The following PARVG variants were observed in gnomAD, a reference collection of about 807,000 sequenced individuals.
The protein encoded by PARVG is parvin gamma, also known as gamma-parvin.
PARVG carries 36 observed loss-of-function variants against 44.4 expected under a neutral mutation model. That is an observed-to-expected ratio of 0.81 (90% confidence interval 0.62 to 1.07). PARVG has a LOEUF of 1.07. Among genes scored for constraint, PARVG ranks in the 50% least tolerant of loss-of-function variants. PARVG has a pLI of 0.00. For synonymous variants in PARVG, 170 were observed against 174.1 expected, an observed-to-expected ratio of 0.98 and a Z score of 0.19; for missense variants, 407 against 407.4, an observed-to-expected ratio of 1.00 and a Z score of 0.01.
chr22:44,204,427 T>G (rs763248164), intron 12 of PARVG, among the ~76,000 whole-genome samples: 2 of 152,238 alleles, frequency 1.3e-5, no homozygotes, highest in Non-Finnish European at 2.9e-5. Flanking sequence ...ATGAGGCACC[T>G]GAGGCCCAGC....
chr22:44,179,386 C>T (rs943036717), upstream of PARVG, among the ~76,000 whole-genome samples: 9 of 152,210 alleles, frequency 5.9e-5, no homozygotes, highest in Admixed American at 1.3e-4. The surrounding 1 kb of genome is among the most constrained non-coding windows in gnomAD (Gnocchi z 4.2). Context: ...GCTTTGAGGG[C>T]TATCAGAGAA....
At chr22:44,185,506 G>C (rs2054451771) in intron 3 of PARVG, 1 of 277,242 alleles carries the variant, frequency 3.6e-6, no homozygotes, top group African/African-American at 2.2e-5. Flanking sequence ...TCTCTGGCTG[G>C]GGTTTCACTT....
intron 7 of PARVG, among the ~76,000 whole-genome samples, chr22:44,191,388 ATTTTTTT>A (rs35954868): frequency 2.5e-4 from 16 of 63,470 alleles, no homozygotes; most frequent in South Asian, 7.8e-4. Context: ...AGTCATTTCT[ATTTTTTT>A]TTTTTTTTTT....
At position 44,205,794 on chromosome 22, in the gene PARVG, A is replaced by G; in HGVS notation, c.851A>G (p.Asp284Gly). The change falls in exon 13 of 14, where the codon GAC becomes GGC. Residue 284 changes from aspartate to glycine, a missense_variant. Transcript: ENST00000444313. ...NVTLALELLK[D>G]EGLLSCPVSP... ...ACCCTGGCGCTGGAGCTGCTGAAGGACGAGGGCCTGCTCAGCTGCCCTGTC... is the reference window on the plus strand; with the variant it reads ...ACCCTGGCGCTGGAGCTGCTGAAGGGCGAGGGCCTGCTCAGCTGCCCTGTC... 6.2e-7 allele frequency: 1 copy of G among 1,613,550 alleles called. No individual in the cohort carries two copies. Among genetic ancestry groups the G allele is most frequent in the Non-Finnish European group, 8.5e-7 (1 of 1,180,002 alleles).
intron 1 of PARVG, among the ~76,000 whole-genome samples, chr22:44,173,978 C>T (rs2054294944): frequency 6.6e-6 from 1 of 152,126 alleles, no homozygotes; most frequent in Non-Finnish European, 1.5e-5. Flanking sequence ...GGGTAGGACT[C>T]AACTGTTACT....
In PARVG at chr22:44,196,221, A is replaced by T. The variant is rs1349958482; in HGVS notation, c.642+8A>T. On this transcript the variant is annotated splice_region_variant and intron_variant, in intron 10 of 13. Coordinates refer to ENST00000444313, the MANE Select transcript of PARVG (RefSeq NM_022141.7). ...GTGAACGCAGTGAAAGAGGTAGGAG[A>T]GATCAAAGCTCTCAGCGGCTCTCAG... 1.9e-6 allele frequency: 3 copies of T among 1,614,172 alleles called. No homozygotes were observed. The highest frequency in any genetic ancestry group is 1.6e-4 in the Middle Eastern group (1 of 6,062).
At chr22:44,176,006 G>T (rs969381872), upstream of PARVG, among the ~76,000 whole-genome samples, 1 of 152,182 alleles carries the variant, frequency 6.6e-6, no homozygotes, top group African/African-American at 2.4e-5. Flanking sequence ...GTGGATGTTT[G>T]GTGTGTTTTC....
Position 44,173,127 on chromosome 22 carries a change from C to T in PARVG, c.-253C>T, listed in dbSNP as rs1444005579. ...TCACAGCCCTTTGTGGGGGATGGGA[C>T]TTTGGGAACCCCAAACTTCTGCTGG... On this transcript the variant is annotated 5_prime_UTR_variant, in exon 1 of 14. Transcript: ENST00000422871. 3 of 1,288,534 alleles carry T rather than the reference C, an allele frequency of 2.3e-6. No individual in the cohort carries two copies. In the South Asian group the frequency reaches 3.7e-5, roughly 16 times the overall value. The allele number at this position is 1,288,534 out of a possible 1,614,324, so 79.8% of individuals were successfully genotyped here.
In PARVG at chr22:44,182,188, T is replaced by C. The variant is rs1292321477; in HGVS notation, c.-13+271T>C. Among the ~76,000 whole-genome samples the C allele has an allele frequency of 6.6e-6, 1 of 152,116 alleles. No individual in the cohort carries two copies. Among genetic ancestry groups the C allele is most frequent in the East Asian group, 1.9e-4 (1 of 5,182 alleles). On this transcript the variant is annotated intron_variant, in intron 2 of 13. Coordinates refer to ENST00000444313, the MANE Select transcript of PARVG (RefSeq NM_022141.7). The surrounding 1 kb of genome is among the most constrained non-coding windows in gnomAD (Gnocchi z 4.6). Reference sequence around the variant, plus strand: ...TCTCCAGGTGAAGAAACTGAGGCCCTGGGGCCAGGAAGGGGCTTGCCCAGG... The same window carrying C: ...TCTCCAGGTGAAGAAACTGAGGCCCCGGGGCCAGGAAGGGGCTTGCCCAGG...
At chr22:44,204,809 A>G (rs1376861040) in intron 12 of PARVG, among the ~76,000 whole-genome samples, 5 of 152,232 alleles carry the variant, frequency 3.3e-5, no homozygotes, top group African/African-American at 9.6e-5. Flanking sequence ...TTGAGGTCAC[A>G]GTGAACCAGG....
intron 5 of PARVG, chr22:44,188,382 A>C (rs2054503491): frequency 5.5e-6 from 1 of 181,960 alleles, no homozygotes; most frequent in African/African-American, 2.3e-5. Context: ...CACAAGCCCC[A>C]GAGTCACCCT....
chr22:44,196,959 G>T (rs1321183871), intron 11 of PARVG, among the ~76,000 whole-genome samples: 1 of 152,234 alleles, frequency 6.6e-6, no homozygotes, highest in South Asian at 2.1e-4. Context: ...CCACAGTGAA[G>T]CTGTGTCCCT....
At chr22:44,193,653 C>A in intron 8 of PARVG, 148 bp from the exon 9 acceptor site, 3 of 925,358 alleles carry the variant, frequency 3.2e-6, no homozygotes, top group South Asian at 3.2e-5. Context: ...CTGCTATCTG[C>A]CCTACCTACA....
upstream of PARVG, among the ~76,000 whole-genome samples, chr22:44,178,096 C>A (rs529204725): frequency 6.6e-6 from 1 of 152,268 alleles, no homozygotes; most frequent in African/African-American, 2.4e-5. Flanking sequence ...GAGGCCTTCC[C>A]AGCCATGGTG....
At chr22:44,190,344 T>C (rs544521669) in intron 6 of PARVG, among the ~76,000 whole-genome samples, 4 of 152,304 alleles carry the variant, frequency 2.6e-5, no homozygotes, top group African/African-American at 9.6e-5. Context: ...ATCATACCCC[T>C]GGGCTATATT....
intron 7 of PARVG, among the ~76,000 whole-genome samples, chr22:44,190,925 G>A (rs2272943): frequency 0.26 from 40,154 of 152,148 alleles, 5,778 homozygotes; most frequent in Non-Finnish European, 0.34. Context: ...CTTGACCTCA[G>A]CAGAGGGCAT....
intron 8 of PARVG, among the ~76,000 whole-genome samples, chr22:44,192,486 C>T (rs963270502): frequency 6.6e-6 from 1 of 152,208 alleles, no homozygotes; most frequent in Non-Finnish European, 1.5e-5. Flanking sequence ...GCTGCCTGCC[C>T]ACTTTAGGGT....
chr22:44,177,515 C>T (rs2054329740), upstream of PARVG, among the ~76,000 whole-genome samples: 1 of 152,078 alleles, frequency 6.6e-6, no homozygotes, highest in African/African-American at 2.4e-5. Context: ...TGGAGTGGCC[C>T]TTCAGTCTTT....
chr22:44,204,570 C>A (rs2054753322), intron 12 of PARVG, among the ~76,000 whole-genome samples: 1 of 152,238 alleles, frequency 6.6e-6, no homozygotes, highest in South Asian at 2.1e-4. Context: ...TGGCCTGGGC[C>A]AGGCTGGCGT....
Sources: allele counts gnomAD v4.1 joint callset (sites outside exome capture counted in the v4.1 genomes callset), GRCh38; gene constraint gnomAD v4.1.1; non-coding constraint Gnocchi (gnomAD v3.1); transcripts MANE v1.5; gene names NCBI Gene and HGNC (gene_info 2026-07-23, HGNC 2026-07-21).